Variants in PDE1A observed in about 807,000 individuals in gnomAD.
The protein encoded by PDE1A is dual specificity calcium/calmodulin-dependent 3',5'-cyclic nucleotide phosphodiesterase 1A.
In PDE1A, 35 loss-of-function variants were observed where a neutral mutation model predicts 61.7. That is an observed-to-expected ratio of 0.57 (90% CI 0.43 to 0.75). The LOEUF (loss-of-function observed/expected upper bound fraction) is 0.75. Ranked by LOEUF, PDE1A falls within the 30% of genes least tolerant of loss-of-function variation. PDE1A has a pLI of 0.00. For synonymous variants in PDE1A, 232 were observed against 213.2 expected (o/e 1.09, Z -0.77); for missense variants, 597 against 630.6 (o/e 0.95, Z 0.57).
chr2:182,564,821 A>G, the PDE1A span, among the ~76,000 whole-genome samples: 1 of 152,068 alleles, frequency 6.6e-6, no homozygotes, highest in Non-Finnish European at 1.5e-5. Context: ...CATCACTGAT[A>G]CCCTTTCTTC....
chr2:182,267,998 T>A (rs887847921), intron 1 of PDE1A, among the ~76,000 whole-genome samples: 3 of 152,138 alleles, frequency 2.0e-5, no homozygotes, highest in African/African-American at 7.2e-5. Flanking sequence ...CACAAAGTCA[T>A]GTGCATAAAA....
At chr2:182,604,953 C>G in the PDE1A span, among the ~76,000 whole-genome samples, 1 of 151,822 alleles carries the variant, frequency 6.6e-6, no homozygotes, top group Admixed American at 6.6e-5. Flanking sequence ...AAGATATTTT[C>G]TTTCTAACGT....
intron 2 of PDE1A, among the ~76,000 whole-genome samples, chr2:182,501,602 T>G (rs1320306763): frequency 6.6e-6 from 1 of 152,244 alleles, no homozygotes; most frequent in Non-Finnish European, 1.5e-5. Context: ...AAATTATATT[T>G]CTTGTGTAAG....
At chr2:182,550,614 T>C in the PDE1A span, among the ~76,000 whole-genome samples, 2 of 152,182 alleles carry the variant, frequency 1.3e-5, no homozygotes, top group African/African-American at 4.8e-5. Context: ...TCTAGGTGCA[T>C]TAGACACATT....
the PDE1A span, among the ~76,000 whole-genome samples, chr2:182,601,408 G>C: frequency 1.1e-4 from 16 of 152,330 alleles, no homozygotes; most frequent in Admixed American, 9.1e-4. Flanking sequence ...GCCTCAAAGA[G>C]GGAGTCATGG....
intron 1 of PDE1A, among the ~76,000 whole-genome samples, chr2:182,382,118 T>C (rs955829703): frequency 6.6e-6 from 1 of 152,184 alleles, no homozygotes; most frequent in African/African-American, 2.4e-5. Context: ...CCTTTGAGTA[T>C]AGGTGGAAAC....
intron 1 of PDE1A, among the ~76,000 whole-genome samples, chr2:182,408,241 A>T (rs982783263): frequency 2.7e-4 from 40 of 150,376 alleles, no homozygotes; most frequent in Non-Finnish European, 4.4e-5. Flanking sequence ...ATTTTCCCAC[A>T]CTATTACTCC....
intron 1 of PDE1A, among the ~76,000 whole-genome samples, chr2:182,332,907 C>CAA (rs35394100): frequency 4.0e-5 from 6 of 151,316 alleles, no homozygotes; most frequent in Admixed American, 1.3e-4. Flanking sequence ...GAAAGCAAGA[C>CAA]AAAAAAAAGC....
intron 1 of PDE1A, among the ~76,000 whole-genome samples, chr2:182,375,050 T>C (rs1700317801): frequency 6.6e-6 from 1 of 152,194 alleles, no homozygotes; most frequent in African/African-American, 2.4e-5. Context: ...CTGCTCCCAT[T>C]ACTCAAATTA....
chr2:182,391,055 C>T (rs1170098970), intron 1 of PDE1A, among the ~76,000 whole-genome samples: 1 of 152,096 alleles, frequency 6.6e-6, no homozygotes, highest in Non-Finnish European at 1.5e-5. Context: ...AGGAGGTGCA[C>T]AAAATTCCAA....
intron 2 of PDE1A, among the ~76,000 whole-genome samples, chr2:182,441,488 G>T (rs1684791740): frequency 6.6e-6 from 1 of 152,046 alleles, no homozygotes; most frequent in South Asian, 2.1e-4. Flanking sequence ...GCATTGGCTA[G>T]AAGTTAGAGG....
At chr2:182,168,379 A>AG in intron 13 of PDE1A, 1 of 1,199,486 alleles carries the variant, frequency 8.3e-7, no homozygotes, top group South Asian at 1.5e-5. Flanking sequence ...ATTTATAATC[A>AG]GCCATGATTG....
the PDE1A span, among the ~76,000 whole-genome samples, chr2:182,548,322 A>G: frequency 6.6e-6 from 1 of 152,196 alleles, no homozygotes. Context: ...TTTTTAAAGT[A>G]CCTGAGCCAA....
the PDE1A span, among the ~76,000 whole-genome samples, chr2:182,685,666 T>C: frequency 1.3e-5 from 2 of 152,218 alleles, no homozygotes; most frequent in Non-Finnish European, 2.9e-5. Flanking sequence ...CTGTCTGCAC[T>C]CTGTCTGAGT....
At chr2:182,369,435 T>C (rs1406825679) in intron 1 of PDE1A, among the ~76,000 whole-genome samples, 1 of 152,170 alleles carries the variant, frequency 6.6e-6, no homozygotes, top group Non-Finnish European at 1.5e-5. Context: ...GCAGCTGCAA[T>C]AAAAATATAA....
the PDE1A span, among the ~76,000 whole-genome samples, chr2:182,699,653 T>C: frequency 6.6e-6 from 1 of 152,244 alleles, no homozygotes. Flanking sequence ...ATTTCCACCA[T>C]GCTAAAATAG....
At chr2:182,179,564 T>C (rs1010292904) in intron 13 of PDE1A, among the ~76,000 whole-genome samples, 6 of 152,138 alleles carry the variant, frequency 3.9e-5, no homozygotes, top group African/African-American at 7.2e-5. Flanking sequence ...AGAGAAGGCA[T>C]AGAGAGAATT....
the PDE1A span, among the ~76,000 whole-genome samples, chr2:182,550,113 C>A: frequency 6.6e-6 from 1 of 151,960 alleles, no homozygotes; most frequent in African/African-American, 2.4e-5. Context: ...TAATCAAGAC[C>A]GGCATTAGAA....
rs139601642 is a variant in PDE1A at position 182,312,057 on chromosome 2, A to G, written c.54-47643T>C. Among the ~76,000 whole-genome samples, 185 of 152,074 alleles carry G rather than the reference A, an allele frequency of 1.2e-3. 1 individual carries two copies. The highest frequency in any genetic ancestry group is 4.1e-3 in the African/African-American group (171 of 41,484). ...TTCTGATGCTATGAGTTATCTTTTC[A>G]TGTGCTTACTTGCTATTCATGTATC... On this transcript the variant is annotated intron_variant, in intron 1 of 13. Coordinates refer to ENST00000351439, the Ensembl canonical transcript of PDE1A.
Sources: allele counts gnomAD v4.1 joint callset (sites outside exome capture counted in the v4.1 genomes callset), GRCh38; gene constraint gnomAD v4.1.1; transcripts MANE v1.5; gene names NCBI Gene and HGNC (gene_info 2026-07-23, HGNC 2026-07-21).